The following EDEM1 variants were observed in gnomAD, a reference collection of about 807,000 sequenced individuals.
EDEM1 encodes the protein ER degradation-enhancing alpha-mannosidase-like protein 1.
In EDEM1, 67 loss-of-function variants were observed where a neutral mutation model predicts 74.4. The ratio of observed to expected loss-of-function variants is 0.90; its 90% CI spans 0.74 to 1.10. EDEM1 has a LOEUF of 1.10. Ranked by LOEUF, EDEM1 falls within the 50% of genes least tolerant of loss-of-function variation. The pLI, the probability that EDEM1 is intolerant of heterozygous loss-of-function variation, is 0.00. For missense variants in EDEM1, 926 were observed against 851.6 expected (o/e 1.09, Z -1.09); for synonymous variants, 382 against 335.9 (o/e 1.14, Z -1.50).
chr3:5,197,053 C>G (rs1175180542), intron 2 of EDEM1, among the ~76,000 whole-genome samples: 1 of 144,844 alleles, frequency 6.9e-6, no homozygotes, highest in Non-Finnish European at 1.5e-5. Flanking sequence ...CTCAGCCTCC[C>G]GAGTAGCTGG....
chr3:5,196,858 A>G (rs756082000), intron 2 of EDEM1, among the ~76,000 whole-genome samples: 10 of 147,412 alleles, frequency 6.8e-5, no homozygotes, highest in South Asian at 6.2e-4. Flanking sequence ...CTAAGACTCA[A>G]TGTATAGCTC....
At chr3:5,198,015 C>T (rs150377008) in intron 2 of EDEM1, among the ~76,000 whole-genome samples, 2,272 of 152,116 alleles carry the variant, frequency 0.015, 19 homozygotes, top group Non-Finnish European at 0.023. Context: ...TTCCAAGTCA[C>T]AGGCAGATAA....
chr3:5,196,925 C>CTTTCTT (rs2054974965), intron 2 of EDEM1, among the ~76,000 whole-genome samples: 2 of 146,392 alleles, frequency 1.4e-5, no homozygotes, highest in African/African-American at 5.4e-5. Flanking sequence ...CTTTTCTTTT[C>CTTTCTT]TTTTCTTTTC....
chr3:5,193,045 A>G (rs1050244401), intron 1 of EDEM1, among the ~76,000 whole-genome samples: 14 of 152,178 alleles, frequency 9.2e-5, no homozygotes, highest in Admixed American at 3.9e-4. Context: ...AAACATAGAA[A>G]GGAGTTCAGT....
intron 11 of EDEM1, among the ~76,000 whole-genome samples, chr3:5,215,380 A>G (rs906708436): frequency 6.6e-6 from 1 of 152,218 alleles, no homozygotes; most frequent in Non-Finnish European, 1.5e-5. Flanking sequence ...TCAGAAAAAC[A>G]CAGTATTTTC....
intron 1 of EDEM1, among the ~76,000 whole-genome samples, chr3:5,194,780 A>G (rs2054942943): frequency 6.6e-6 from 1 of 152,218 alleles, no homozygotes; most frequent in African/African-American, 2.4e-5. Flanking sequence ...TTTGTGTGTA[A>G]TATAGGCTGT....
chr3:5,192,947 G>A (rs945629621), intron 1 of EDEM1, among the ~76,000 whole-genome samples: 3 of 150,380 alleles, frequency 2.0e-5, no homozygotes, highest in African/African-American at 7.3e-5. Context: ...TACTGTGGCA[G>A]CTCATTAATT....
intron 3 of EDEM1, 67 bp from the exon 4 acceptor site, chr3:5,201,686 C>T: frequency 1.3e-6 from 2 of 1,579,428 alleles, no homozygotes; most frequent in Non-Finnish European, 1.7e-6. Flanking sequence ...TTCTATCTTT[C>T]TGAATTGGAT....
chr3:5,209,190 G>A (rs1257643961), intron 8 of EDEM1, among the ~76,000 whole-genome samples: 1 of 152,164 alleles, frequency 6.6e-6, no homozygotes, highest in East Asian at 1.9e-4. Context: ...AAAGGGGAAA[G>A]AAATCCTGTG....
At chr3:5,196,467 C>CAG (rs918695934) in intron 2 of EDEM1, among the ~76,000 whole-genome samples, 1 of 151,784 alleles carries the variant, frequency 6.6e-6, no homozygotes, top group Non-Finnish European at 1.5e-5. Flanking sequence ...TGGAGACACA[C>CAG]ACACACACAC....
At chr3:5,207,430 T>G (rs553017604) in intron 7 of EDEM1, among the ~76,000 whole-genome samples, 157 bp downstream of exon 7, 11 of 152,196 alleles carry the variant, frequency 7.2e-5, no homozygotes, top group Non-Finnish European at 1.5e-4. Flanking sequence ...GAGAAATTAG[T>G]CTCCAGAATA....
At chr3:5,209,428 C>T (rs1009063441) in intron 8 of EDEM1, among the ~76,000 whole-genome samples, 3 of 152,132 alleles carry the variant, frequency 2.0e-5, no homozygotes, top group Non-Finnish European at 2.9e-5. Context: ...TCATGTTTTC[C>T]GTTTCTCCTT....
At chr3:5,188,431 C>T (rs1258044848) in intron 1 of EDEM1, 117 bp downstream of exon 1, 16 of 1,165,920 alleles carry the variant, frequency 1.4e-5, no homozygotes, top group African/African-American at 1.6e-5. Context: ...GTTAGGGTCC[C>T]GGGCAGCGCT....
Position 5,208,770 on chromosome 3 carries a change from TAC to T in EDEM1, c.1509+525_1509+526del, listed in dbSNP as rs536161440. Reference sequence around the variant, plus strand: ...GTGTGTGTGTGTGTGTATATATATATACACACACACACACACACATATATATG... The same window carrying T: ...GTGTGTGTGTGTGTGTATATATATATACACACACACACACACATATATATG... On this transcript the variant is annotated intron_variant, in intron 8 of 11. Transcript: ENST00000256497. Among the ~76,000 whole-genome samples the T allele has an allele frequency of 9.7e-3, 1,430 of 148,174 alleles. 16 individuals carry two copies. The highest frequency in any genetic ancestry group is 0.035 in the Admixed American group (529 of 14,922).
chr3:5,203,228 C>T lies in EDEM1; in HGVS notation c.1042+79C>T, dbSNP rs1187850675. The T allele has an allele frequency of 2.2e-6, 3 of 1,370,860 alleles. No homozygotes were observed. In the East Asian group the frequency reaches 7.8e-5, roughly 36 times the overall value. 84.9% of individuals were successfully genotyped at this position (1,370,860 alleles called of 1,614,324 possible). On this transcript the variant is annotated intron_variant, in intron 5 of 11. Coordinates refer to ENST00000256497, the MANE Select transcript of EDEM1 (RefSeq NM_014674.3). ...TTTCATCTTCTCTGGGCTCTGCCCCCTTTTTACTCTTCAACTCAATTGACA... is the reference window on the plus strand; with the variant it reads ...TTTCATCTTCTCTGGGCTCTGCCCCTTTTTTACTCTTCAACTCAATTGACA...
chr3:5,189,664 G>C (rs1268867894), intron 1 of EDEM1: 12 of 152,200 alleles, frequency 7.9e-5, no homozygotes, highest in Admixed American at 7.9e-4. Context: ...GCAGTGGCGC[G>C]ATCTCCGCTC....
At position 5,213,332 on chromosome 3, in the gene EDEM1, A is replaced by G. The variant is rs376847048; in HGVS notation, c.1694A>G (p.Asp565Gly). The change falls in exon 11 of 12, where the codon GAC becomes GGC. Residue 565 changes from aspartate to glycine, a missense_variant. By Grantham distance (94) the Asp-to-Gly change is moderately conservative (BLOSUM62 -1). Coordinates refer to ENST00000256497, the MANE Select transcript of EDEM1 (RefSeq NM_014674.3). ...CKYLYLLFDE[D>G]NPVHKSGTRY... ...CGTTCCCTCTAGCTGTTTGATGAAG[A>G]CAATCCAGTACACAAGTCTGGAACC... 2.9e-5 allele frequency: 46 copies of G among 1,613,518 alleles called. No homozygotes were observed. The highest frequency in any genetic ancestry group is 3.6e-5 in the Non-Finnish European group (43 of 1,179,766).
chr3:5,208,757 G>A (rs1359384875), intron 8 of EDEM1, among the ~76,000 whole-genome samples: 1 of 149,796 alleles, frequency 6.7e-6, no homozygotes, highest in Admixed American at 6.6e-5. Flanking sequence ...GTGTGTGTGT[G>A]TGTATATATA....
At position 5,215,805 on chromosome 3, in the gene EDEM1, T is replaced by C. The variant is rs752957245; in HGVS notation, c.1885-24T>C. 8.1e-6 allele frequency: 13 copies of C among 1,604,716 alleles called. No homozygotes were observed. The East Asian group carries it at 2.9e-4, about 36-fold the overall frequency. ...AGAGAGCAACATATGAGTTTTTAAT[T>C]TTCCCTCGTTTTTGTCTTTCTAGTG... is the stretch of plus-strand genomic sequence containing the variant. On this transcript the variant is annotated intron_variant, in intron 11 of 11. Coordinates refer to ENST00000256497, the MANE Select transcript of EDEM1 (RefSeq NM_014674.3).
Sources: allele counts gnomAD v4.1 joint callset (sites outside exome capture counted in the v4.1 genomes callset), GRCh38; gene constraint gnomAD v4.1.1; transcripts MANE v1.5; gene names NCBI Gene and HGNC (gene_info 2026-07-23, HGNC 2026-07-21).